The following OR4N2 variants were observed in gnomAD, a reference collection of about 807,000 sequenced individuals.
OR4N2 encodes olfactory receptor family 4 subfamily N member 2, also known as olfactory receptor 4N2.
For synonymous variants in OR4N2, 141 were observed against 140.4 expected, an observed-to-expected ratio of 1.00 and a Z score of -0.03; for missense variants, 307 against 377.6, an observed-to-expected ratio of 0.81 and a Z score of 1.55.
intron 1 of OR4N2, among the ~76,000 whole-genome samples, chr14:19,818,148 A>C (rs150037430): frequency 2.4e-4 from 37 of 152,340 alleles, no homozygotes; most frequent in Admixed American, 9.8e-4. Flanking sequence ...TGGTGCTGAG[A>C]AGAATATATA....
intron 1 of OR4N2, among the ~76,000 whole-genome samples, 180 bp downstream of exon 1, chr14:19,804,024 C>A (rs1443740621): frequency 1.3e-5 from 2 of 152,130 alleles, no homozygotes; most frequent in Non-Finnish European, 2.9e-5. Context: ...AAAAATATTT[C>A]TTTGGGGTTG....
chr14:19,823,139 G>T (rs140132741), intron 1 of OR4N2, among the ~76,000 whole-genome samples: 2,038 of 152,138 alleles, frequency 0.013, 26 homozygotes, highest in African/African-American at 0.046. Flanking sequence ...TTCTCAGCCT[G>T]ATTCACACTT....
At position 19,811,859 on chromosome 14, in the gene OR4N2, C is replaced by A. The variant is rs1004586586; in HGVS notation, c.-10+8015C>A. Among the ~76,000 whole-genome samples, 9 of 152,356 alleles carry A rather than the reference C, an allele frequency of 5.9e-5. 1 individual carries two copies. In the South Asian group the frequency reaches 8.3e-4, roughly 14 times the overall value. ...CAACCATTATAACATATGATGAAATCTTGAATGCATGCCCCCTTAAGATTA... is the reference window on the plus strand; with the variant it reads ...CAACCATTATAACATATGATGAAATATTGAATGCATGCCCCCTTAAGATTA... On this transcript the variant is annotated intron_variant, in intron 1 of 1. Coordinates refer to ENST00000557677, the MANE Select transcript of OR4N2 (RefSeq NM_001004723.3).
At chr14:19,811,898 T>C (rs1260347549) in intron 1 of OR4N2, among the ~76,000 whole-genome samples, 1 of 152,270 alleles carries the variant, frequency 6.6e-6, no homozygotes, top group Non-Finnish European at 1.5e-5. Context: ...AGAATGCAAG[T>C]ATACATGCTC....
intron 1 of OR4N2, among the ~76,000 whole-genome samples, chr14:19,806,465 C>A (rs1879167875): frequency 6.6e-6 from 1 of 151,940 alleles, no homozygotes; most frequent in Non-Finnish European, 1.5e-5. Flanking sequence ...ACAACAATTA[C>A]CAAGGACAAA....
At chr14:19,811,251 A>G (rs1366202920) in intron 1 of OR4N2, among the ~76,000 whole-genome samples, 1 of 152,172 alleles carries the variant, frequency 6.6e-6, no homozygotes, top group Non-Finnish European at 1.5e-5. Flanking sequence ...ATTTTATTTT[A>G]TTTTTATTTT....
chr14:19,809,571 T>C (rs1160087667), intron 1 of OR4N2, among the ~76,000 whole-genome samples: 1 of 152,186 alleles, frequency 6.6e-6, no homozygotes, highest in Non-Finnish European at 1.5e-5. Context: ...AGAACAAAGC[T>C]GGAGGCATCA....
At chr14:19,825,812 C>G (rs1879682572) in intron 1 of OR4N2, among the ~76,000 whole-genome samples, 1 of 152,192 alleles carries the variant, frequency 6.6e-6, no homozygotes, top group South Asian at 2.1e-4. Context: ...CCCACCTAGG[C>G]CTCCCAAAGT....
Position 19,827,777 on chromosome 14 carries a change from G to A in OR4N2, c.329G>A (p.Gly110Glu), listed in dbSNP as rs774856828. 3 of 1,614,234 alleles carry A rather than the reference G, an allele frequency of 1.9e-6. No homozygotes were observed. In the South Asian group the frequency reaches 3.3e-5, roughly 18 times the overall value. Residue 110 changes from glycine to glutamate, a missense_variant, in exon 2 of 2, where the codon GGG becomes GAG. By Grantham distance (98) the Gly-to-Glu change is moderately conservative. Transcript: ENST00000557677. Reference protein sequence around the residue: ...QLFFLHFLGGGEGLLLVVMAF... With the variant: ...QLFFLHFLGGEEGLLLVVMAF... ...TTTTTCTTGCACTTCCTTGGAGGAG[G>A]GGAGGGATTACTCCTTGTTGTGATG...
At position 19,828,497 on chromosome 14, in the gene OR4N2, A is replaced by T; in HGVS notation, c.*125A>T. 1 of 1,044,540 alleles carries T rather than the reference A, an allele frequency of 9.6e-7. No homozygotes were observed. The highest frequency in any genetic ancestry group is 1.4e-6 in the Non-Finnish European group (1 of 735,336). The allele number at this position is 1,044,540 out of a possible 1,614,324, so 64.7% of individuals were successfully genotyped here. ...TTTGTCAGGACTATTCTGGGAACTG[A>T]AAAAAGAAATTACTGAGGCAGATAA... On this transcript the variant is annotated 3_prime_UTR_variant, in exon 2 of 2. Transcript: ENST00000557677.
At position 19,828,164 on chromosome 14, in the gene OR4N2, C is replaced by T. The variant is rs764779343; in HGVS notation, c.716C>T (p.Thr239Met). The change falls in exon 2 of 2, where the codon ACG becomes ATG. Residue 239 changes from threonine to methionine, a missense_variant. Thr to Met is a moderately conservative substitution (Grantham distance 81, BLOSUM62 -1). Transcript: ENST00000557677. ...GAGGCAAAAAACAAGGCCATGTCCA[C>T]GTGCATCACCCATATCATTGTTATA... The part of the protein sequence containing the change: ...SSEAKNKAMS[T>M]CITHIIVIFF... 1.2e-5 allele frequency: 19 copies of T among 1,614,258 alleles called. No individual in the cohort carries two copies. The highest frequency in any genetic ancestry group is 1.5e-5 in the Non-Finnish European group (18 of 1,180,044).
intron 1 of OR4N2, among the ~76,000 whole-genome samples, chr14:19,806,669 AC>A (rs1226269165): frequency 2.6e-5 from 4 of 152,216 alleles, no homozygotes; most frequent in Non-Finnish European, 5.9e-5. Context: ...CAGAACACTA[AC>A]AAAGAAATTC....
At chr14:19,813,160 A>G (rs1208999853) in intron 1 of OR4N2, among the ~76,000 whole-genome samples, 1 of 152,236 alleles carries the variant, frequency 6.6e-6, no homozygotes, top group Non-Finnish European at 1.5e-5. Flanking sequence ...CATATTTTTA[A>G]AAGTTTTGGT....
intron 1 of OR4N2, among the ~76,000 whole-genome samples, chr14:19,819,403 C>T (rs1271683908): frequency 6.6e-6 from 1 of 152,076 alleles, no homozygotes; most frequent in African/African-American, 2.4e-5. Flanking sequence ...CTTTTTTCTC[C>T]AATCTTGTCG....
intron 1 of OR4N2, among the ~76,000 whole-genome samples, chr14:19,806,408 A>G (rs1403033407): frequency 2.0e-5 from 3 of 152,170 alleles, no homozygotes; most frequent in African/African-American, 4.8e-5. Context: ...AAACAAACAA[A>G]CAAAAATAGT....
chr14:19,807,300 C>T (rs1426573634), intron 1 of OR4N2, among the ~76,000 whole-genome samples: 2 of 151,766 alleles, frequency 1.3e-5, no homozygotes, highest in African/African-American at 4.8e-5. Context: ...ATAATTGGTC[C>T]TTCAAAATAA....
At chr14:19,818,834 A>C (rs1879491806) in intron 1 of OR4N2, among the ~76,000 whole-genome samples, 1 of 152,148 alleles carries the variant, frequency 6.6e-6, no homozygotes, top group South Asian at 2.1e-4. Flanking sequence ...TTTTCTTTCC[A>C]TATTTAGTGC....
chr14:19,825,961 A>G (rs1242228385), intron 1 of OR4N2, among the ~76,000 whole-genome samples: 1 of 152,254 alleles, frequency 6.6e-6, no homozygotes, highest in Non-Finnish European at 1.5e-5. Flanking sequence ...TAATTTTCAA[A>G]CTTAAAAAAT....
At position 19,805,950 on chromosome 14, in the gene OR4N2, C is replaced by G. The variant is rs184774248; in HGVS notation, c.-10+2106C>G. On this transcript the variant is annotated intron_variant, in intron 1 of 1. Transcript: ENST00000557677. ...ATTCTTAAAGAAAATAAATTCCAAC[C>G]AAGAATTTCATATCCCACCCAAACT... 2.1e-4 allele frequency among the ~76,000 whole-genome samples: 32 copies of G among 152,212 alleles called. No homozygotes were observed. The East Asian group carries it at 6.2e-3, about 29-fold the overall frequency.
Sources: allele counts gnomAD v4.1 joint callset (sites outside exome capture counted in the v4.1 genomes callset), GRCh38; gene constraint gnomAD v4.1.1; transcripts MANE v1.5; gene names NCBI Gene and HGNC (gene_info 2026-07-23, HGNC 2026-07-21).